Variants in KYNU observed in about 807,000 individuals in gnomAD.
The protein encoded by KYNU is kynureninase.
A neutral mutation model predicts 59.2 loss-of-function variants in KYNU; 54 were observed. The ratio of observed to expected loss-of-function variants is 0.91; its 90% confidence interval spans 0.73 to 1.14. The LOEUF is 1.14. Among genes scored for constraint, KYNU ranks in the 50% most tolerant of loss-of-function variants. The pLI is 0.00. For missense variants in KYNU, 567 were observed against 554.4 expected, an observed-to-expected ratio of 1.02 and a Z score of -0.23; for synonymous variants, 177 against 192.0, an observed-to-expected ratio of 0.92 and a Z score of 0.65.
At chr2:142,942,180 A>G (rs1432520768) in intron 4 of KYNU, among the ~76,000 whole-genome samples, 1 of 151,758 alleles carries the variant, frequency 6.6e-6, no homozygotes, top group Non-Finnish European at 1.5e-5. Context: ...AAAAAGAAAA[A>G]AAAAAAAGAA....
At position 143,009,862 on chromosome 2, in the gene KYNU, C is replaced by A. The variant is rs1330534135; in HGVS notation, c.903-19765C>A. Among the ~76,000 whole-genome samples the A allele has an allele frequency of 1.7e-5, 2 of 119,450 alleles. 1 individual carries two copies. Among genetic ancestry groups the A allele is most frequent in the Admixed American group, 1.6e-4 (2 of 12,128 alleles). 78.4% of individuals were successfully genotyped at this position (119,450 alleles called of 152,430 possible). On this transcript the variant is annotated intron_variant, in intron 10 of 13. Transcript: ENST00000264170. ...AAAGCCTTTGACAAAATTCAACAAC[C>A]CTTCATGCTAAAAACTCTCAATAAA...
intron 2 of KYNU, among the ~76,000 whole-genome samples, chr2:142,908,577 AT>A (rs1294312122): frequency 6.6e-6 from 1 of 152,014 alleles, no homozygotes; most frequent in African/African-American, 2.4e-5. Context: ...AGGCACTGGT[AT>A]TTGTTCAAGC....
intron 2 of KYNU, among the ~76,000 whole-genome samples, chr2:142,908,444 A>C (rs1425323766): frequency 6.6e-6 from 1 of 151,882 alleles, no homozygotes; most frequent in African/African-American, 2.4e-5. Context: ...TTAATGGGTA[A>C]ATTAAATGCC....
intron 8 of KYNU, among the ~76,000 whole-genome samples, chr2:142,974,517 A>G (rs940885229): frequency 6.6e-6 from 1 of 152,074 alleles, no homozygotes; most frequent in African/African-American, 2.4e-5. Context: ...CTTTCACACC[A>G]CTGAAGTTGA....
At chr2:142,988,381 A>G (rs1685286789) in intron 10 of KYNU, among the ~76,000 whole-genome samples, 1 of 151,912 alleles carries the variant, frequency 6.6e-6, no homozygotes, top group African/African-American at 2.4e-5. Context: ...ATTAGTTTGT[A>G]ACTATCACCA....
In KYNU at chr2:143,048,737, T is replaced by G. The variant is rs1001699041; in HGVS notation, c.*6565T>G. ...AAATATTAAGTTACAGTATTTTGGC[T>G]TCCATTACTGCTGTTAAGCATTCAG... On this transcript the variant is annotated 3_prime_UTR_variant, in exon 14 of 14. Transcript: ENST00000264170. 1 of 152,218 alleles carries G rather than the reference T, an allele frequency of 6.6e-6. No homozygotes were observed. The highest frequency in any genetic ancestry group is 2.4e-5 in the African/African-American group (1 of 41,472). The allele number at this position is 152,218 out of a possible 1,614,324, so 9.4% of individuals were successfully genotyped here.
chr2:143,038,886 A>T (rs958629627), intron 12 of KYNU, among the ~76,000 whole-genome samples: 8 of 152,158 alleles, frequency 5.3e-5, no homozygotes, highest in African/African-American at 1.9e-4. Context: ...TTTGCTCTTG[A>T]TATCTTTGCT....
At chr2:142,936,066 T>C (rs895529071) in intron 4 of KYNU, among the ~76,000 whole-genome samples, 8 of 151,990 alleles carry the variant, frequency 5.3e-5, no homozygotes, top group Non-Finnish European at 7.4e-5. Context: ...CTGGGAGGCA[T>C]GGACAGCAGT....
In KYNU at chr2:142,955,298, A is replaced by C. The variant is rs903418753; in HGVS notation, c.435+427A>C. ...AAAGACTTGGAGTATTAAATTTTTA[A>C]AAAGAGGTCTAGTACCTTAAATGAG... On this transcript the variant is annotated intron_variant, in intron 5 of 13. Transcript: ENST00000264170. Among the ~76,000 whole-genome samples, 51 of 152,094 alleles carry C rather than the reference A, an allele frequency of 3.4e-4. 1 individual carries two copies. The highest frequency in any genetic ancestry group is 5.9e-4 in the Admixed American group (9 of 15,268).
At position 143,042,142 on chromosome 2, in the gene KYNU, T is replaced by C; in HGVS notation, c.1368T>C (p.Ser456=). Residue 456 remains serine (S), a synonymous_variant, in exon 14 of 14, where the codon TCT becomes TCC. Coordinates refer to ENST00000264170, the MANE Select transcript of KYNU (RefSeq NM_003937.3). ...ATAAATTTACCAATCTGCTCACTTC[T>C]ATACTTGACTCTGCAGAAACAAAAA... ...DVYKFTNLLT[S]ILDSAETKN 1 of 1,610,374 alleles carries C rather than the reference T, an allele frequency of 6.2e-7. No individual in the cohort carries two copies. Among genetic ancestry groups the C allele is most frequent in the Non-Finnish European group, 8.5e-7 (1 of 1,178,448 alleles).
At chr2:143,018,369 T>C (rs909005093) in intron 10 of KYNU, among the ~76,000 whole-genome samples, 10 of 152,226 alleles carry the variant, frequency 6.6e-5, no homozygotes, top group Admixed American at 5.9e-4. Context: ...TGACAGCCAG[T>C]TATCCCAACA....
chr2:143,049,125 G>A lies in KYNU; in HGVS notation c.*6953G>A, dbSNP rs1373024171. 1.3e-5 allele frequency: 2 copies of A among 151,658 alleles called. No individual in the cohort carries two copies. The highest frequency in any genetic ancestry group is 2.9e-5 in the Non-Finnish European group (2 of 67,924). 9.4% of individuals were successfully genotyped at this position (151,658 alleles called of 1,614,324 possible). A position where few individuals can be genotyped will look rare whatever the true frequency, so the allele number is the denominator to read the frequency against. ...TATTATTTCCTTTTTAAAATAAAAG[G>A]GTATATGTTAGAATTTTTCACTCTC... On this transcript the variant is annotated 3_prime_UTR_variant, in exon 14 of 14. Coordinates refer to ENST00000264170, the MANE Select transcript of KYNU (RefSeq NM_003937.3).
intron 8 of KYNU, among the ~76,000 whole-genome samples, chr2:142,969,955 A>G (rs1163873272): frequency 2.0e-5 from 3 of 152,212 alleles, no homozygotes; most frequent in Admixed American, 2.0e-4. Flanking sequence ...AGTCTTTGTT[A>G]AACTGAAAAA....
chr2:143,035,834 G>T (rs922729124), intron 12 of KYNU, among the ~76,000 whole-genome samples: 12 of 152,202 alleles, frequency 7.9e-5, no homozygotes, highest in Admixed American at 2.6e-4. Context: ...GTGCAGTGAT[G>T]GGATCTCAGC....
chr2:142,954,627 G>A (rs1684103395), intron 4 of KYNU, among the ~76,000 whole-genome samples, 183 bp from the exon 5 acceptor site: 1 of 151,994 alleles, frequency 6.6e-6, no homozygotes. Context: ...GTGCATCTAA[G>A]TCCAGATATC....
intron 8 of KYNU, among the ~76,000 whole-genome samples, chr2:142,979,505 A>G (rs1003124052): frequency 1.3e-5 from 2 of 152,166 alleles, no homozygotes; most frequent in African/African-American, 2.4e-5. Context: ...TCTTCACTCA[A>G]AGTTATCTGG....
chr2:142,936,036 T>C (rs932995889), intron 4 of KYNU, among the ~76,000 whole-genome samples: 1 of 151,804 alleles, frequency 6.6e-6, no homozygotes, highest in Non-Finnish European at 1.5e-5. Flanking sequence ...AAGAAGGCGA[T>C]TGAGAGAAAG....
chr2:142,960,890 T>TAAAAA (rs5834931), intron 8 of KYNU, 120 bp downstream of exon 8: 11,712 of 929,380 alleles, frequency 0.013, 39 homozygotes, highest in East Asian at 0.03. Context: ...TTTCAAAAGT[T>TAAAAA]AAAAAAAAAA....
At chr2:142,921,644 C>CA (rs1387766629) in intron 3 of KYNU, among the ~76,000 whole-genome samples, 4 of 151,760 alleles carry the variant, frequency 2.6e-5, no homozygotes, top group Admixed American at 6.6e-5. Context: ...CTCAACTCTA[C>CA]AAAAAAATAC....
Sources: gnomAD v4.1 joint callset for allele counts (sites outside exome capture counted in the v4.1 genomes callset) on GRCh38, gnomAD v4.1.1 for gene constraint, MANE v1.5 for transcripts, NCBI Gene and HGNC (gene_info 2026-07-23, HGNC 2026-07-21) for gene names.